Variants in PIGU observed in about 807,000 individuals in gnomAD.
PIGU encodes the protein phosphatidylinositol glycan anchor biosynthesis class U.
A neutral mutation model predicts 49.9 loss-of-function variants in PIGU; 24 were observed. The observed-to-expected ratio is 0.48, with a 90% CI of 0.35 to 0.68. The LOEUF (loss-of-function observed/expected upper bound fraction) is 0.68. Among genes scored for constraint, PIGU ranks in the 30% least tolerant of loss-of-function variants. The pLI is 0.01. For missense variants in PIGU, 490 were observed against 532.6 expected (o/e 0.92, Z 0.79); for synonymous variants, 220 against 205.7 (o/e 1.07, Z -0.59).
intron 4 of PIGU, among the ~76,000 whole-genome samples, chr20:34,640,645 A>G (rs532431692): frequency 1.3e-5 from 2 of 152,330 alleles, no homozygotes; most frequent in East Asian, 3.9e-4. Context: ...ATTTAAAACA[A>G]TGACAGGAGA....
intron 11 of PIGU, among the ~76,000 whole-genome samples, chr20:34,570,588 T>C (rs754353134): frequency 2.0e-5 from 3 of 152,154 alleles, no homozygotes; most frequent in Non-Finnish European, 4.4e-5. Context: ...ATAATTTTTG[T>C]ATTTTTAGTA....
chr20:34,667,768 TGCAAAAATTAGTAG>T (rs138297053), intron 1 of PIGU, among the ~76,000 whole-genome samples: 2,488 of 152,226 alleles, frequency 0.016, 74 homozygotes, highest in African/African-American at 0.057. Flanking sequence ...AACCTATGAA[TGCAAAAATTAGTAG>T]GCAAAAATTT....
rs986539579 is a variant in PIGU, at chr20:34,562,378, T to C, written c.1195-1399A>G. The C allele has an allele frequency of 4.0e-6, 5 of 1,250,208 alleles. No homozygotes were observed. In the African/African-American group the frequency reaches 6.2e-5, roughly 15 times the overall value. The allele number at this position is 1,250,208 out of a possible 1,614,324, so 77.4% of individuals were successfully genotyped here. A position where few individuals can be genotyped will look rare whatever the true frequency, so the allele number is the denominator to read the frequency against. ...GGCTATGGTCTTGGGGCAAGACAGG[T>C]TGAGCTAAGCCTGGGATCTAGACCT... is the stretch of plus-strand genomic sequence containing the variant. On this transcript the variant is annotated intron_variant, in intron 11 of 11. Coordinates refer to ENST00000217446, the MANE Select transcript of PIGU (RefSeq NM_080476.5).
rs182009554 is a variant in PIGU, at chr20:34,575,274, C to A, written c.1052-28G>T. 2.7e-5 allele frequency: 44 copies of A among 1,606,796 alleles called. No individual in the cohort carries two copies. The African/African-American group carries it at 5.2e-4, about 19-fold the overall frequency. ...GCAAAGACAGAGGGTTACAGTTAGC[C>A]TGACACGCTCTCTCTGGCATGCTTT... is the stretch of plus-strand genomic sequence containing the variant. On this transcript the variant is annotated intron_variant, in intron 10 of 11. Transcript: ENST00000217446.
rs1986870062 is a variant in PIGU, at chr20:34,659,687, T to A, written c.131-2443A>T. ...TAGAAAGAAGTAGACATGGGAGACTTTTCATTTTGTTCTGTACTAAGAAAA... is the reference window on the plus strand; with the variant it reads ...TAGAAAGAAGTAGACATGGGAGACTATTCATTTTGTTCTGTACTAAGAAAA... On this transcript the variant is annotated intron_variant, in intron 1 of 11. Transcript: ENST00000217446. Among the ~76,000 whole-genome samples, 3 of 152,172 alleles carry A rather than the reference T, an allele frequency of 2.0e-5. No homozygotes were observed. The South Asian group carries it at 6.2e-4, about 31-fold the overall frequency.
chr20:34,609,624 C>CA (rs1393662674), intron 7 of PIGU, among the ~76,000 whole-genome samples: 1 of 152,140 alleles, frequency 6.6e-6, no homozygotes, highest in East Asian at 1.9e-4. Flanking sequence ...CTTGGCCTCC[C>CA]AAAGTGCTGG....
chr20:34,662,675 GGTTT>G (rs1349425574), intron 1 of PIGU, among the ~76,000 whole-genome samples: 5 of 152,168 alleles, frequency 3.3e-5, no homozygotes, highest in Admixed American at 2.0e-4. Context: ...TTTTTAAATA[GGTTT>G]GTTTGTAGAG....
chr20:34,659,312 C>A (rs1986849454), intron 1 of PIGU, among the ~76,000 whole-genome samples: 1 of 146,964 alleles, frequency 6.8e-6, no homozygotes, highest in African/African-American at 2.5e-5. Context: ...GGGGGGTCAG[C>A]CCCCCGCCCG....
At chr20:34,561,428 T>G (rs1354287109) in intron 11 of PIGU, among the ~76,000 whole-genome samples, 1 of 152,078 alleles carries the variant, frequency 6.6e-6, no homozygotes, top group Non-Finnish European at 1.5e-5. Flanking sequence ...CTCTCATACA[T>G]CGAGCCACCA....
chr20:34,653,889 G>C (rs1401497612), intron 2 of PIGU, among the ~76,000 whole-genome samples: 1 of 150,982 alleles, frequency 6.6e-6, no homozygotes, highest in Non-Finnish European at 1.5e-5. Flanking sequence ...ACGGAGTCTC[G>C]CTCTGTCACC....
At chr20:34,569,173 C>T (rs1982901222) in intron 11 of PIGU, among the ~76,000 whole-genome samples, 1 of 151,268 alleles carries the variant, frequency 6.6e-6, no homozygotes, top group Non-Finnish European at 1.5e-5. Flanking sequence ...CACTGCACCC[C>T]AGCCTGGGCA....
chr20:34,582,159 T>G (rs921571801), intron 9 of PIGU, among the ~76,000 whole-genome samples: 1 of 152,214 alleles, frequency 6.6e-6, no homozygotes, highest in Admixed American at 6.5e-5. Flanking sequence ...AGACCCATAG[T>G]GCGATGAACT....
At position 34,560,924 on chromosome 20, in the gene PIGU, G is replaced by A; in HGVS notation, c.1250C>T (p.Thr417Ile). ...CTTGGCGGTCAAGTAGAGGCCATGT[G>A]TGAGGTAGTACTCCCGCCGCAGGAA... ...YAFLRREYYL[T>I]HGLYLTAKDG... Residue 417 changes from threonine (T) to isoleucine (I), a missense_variant, in exon 12 of 12, where the codon ACA becomes ATA. By Grantham distance (89) the Thr-to-Ile change is moderately conservative. Coordinates refer to ENST00000217446, the MANE Select transcript of PIGU (RefSeq NM_080476.5). 6.2e-7 allele frequency: 1 copy of A among 1,613,188 alleles called. No homozygotes were observed. Among genetic ancestry groups the A allele is most frequent in the Non-Finnish European group, 8.5e-7 (1 of 1,179,420 alleles).
intron 7 of PIGU, among the ~76,000 whole-genome samples, chr20:34,589,329 A>G (rs184086639): frequency 5.9e-5 from 9 of 152,310 alleles, no homozygotes; most frequent in Non-Finnish European, 1.0e-4. Context: ...AAAACGCCAA[A>G]TTTGGGTTAA....
chr20:34,587,743 G>A (rs1254916691), intron 8 of PIGU, among the ~76,000 whole-genome samples: 2 of 152,206 alleles, frequency 1.3e-5, no homozygotes, highest in East Asian at 1.9e-4. Context: ...GAACACATGC[G>A]GTATTTGTCT....
intron 1 of PIGU, among the ~76,000 whole-genome samples, chr20:34,664,727 C>T (rs899958599): frequency 2.6e-5 from 4 of 152,014 alleles, no homozygotes; most frequent in Non-Finnish European, 2.9e-5. Flanking sequence ...TGGTGGCTCA[C>T]GCCTGTAATC....
At chr20:34,670,833 C>T (rs1987285724) in intron 1 of PIGU, among the ~76,000 whole-genome samples, 1 of 152,180 alleles carries the variant, frequency 6.6e-6, no homozygotes, top group East Asian at 1.9e-4. Context: ...CTTGAGCCAC[C>T]ATGCCCAGCA....
intron 7 of PIGU, among the ~76,000 whole-genome samples, chr20:34,589,146 CACAT>C (rs978328410): frequency 1.6e-4 from 19 of 121,126 alleles, no homozygotes; most frequent in African/African-American, 6.2e-4. Context: ...CACACACACA[CACAT>C]CTGTAAGTTT....
rs199991691 is a variant in PIGU, at chr20:34,654,481, CA to C, written c.195+2698del. Among the ~76,000 whole-genome samples, 398 of 48,878 alleles carry C rather than the reference CA, an allele frequency of 8.1e-3. 42 individuals carry two copies. The highest frequency in any genetic ancestry group is 0.022 in the African/African-American group (296 of 13,162). The allele number at this position is 48,878 out of a possible 152,430, so 32.1% of individuals were successfully genotyped here. ...TGGGCAAAAGAGCAAAACTCTGTCT[CA>C]AAAAAAAAAAAAAAAAAGTCTCTGA... On this transcript the variant is annotated intron_variant, in intron 2 of 11. Transcript: ENST00000217446.
Sources: gnomAD v4.1 joint callset for allele counts (sites outside exome capture counted in the v4.1 genomes callset) on GRCh38, gnomAD v4.1.1 for gene constraint, MANE v1.5 for transcripts, NCBI Gene and HGNC (gene_info 2026-07-23, HGNC 2026-07-21) for gene names.